The following ATG7 variants were observed in gnomAD, a reference collection of about 807,000 sequenced individuals.
ATG7 encodes autophagy related 7.
In ATG7, 70 loss-of-function variants were observed where a neutral mutation model predicts 82.4. The observed-to-expected ratio is 0.85, with a 90% CI of 0.70 to 1.04. The LOEUF is 1.04. ATG7 is among the 50% of genes least tolerant of loss of function. The pLI is 0.00. For missense variants in ATG7, 792 were observed against 864.3 expected, an observed-to-expected ratio of 0.92 and a Z score of 1.05; for synonymous variants, 287 against 313.0, an observed-to-expected ratio of 0.92 and a Z score of 0.88.
At chr3:11,396,030 A>T (rs1440759588) in intron 19 of ATG7, among the ~76,000 whole-genome samples, 1 of 151,020 alleles carries the variant, frequency 6.6e-6, no homozygotes, top group Admixed American at 6.6e-5. Context: ...AACAGAGTCC[A>T]CCACTAGCAT....
chr3:11,398,802 G>C (rs1168757398), intron 19 of ATG7, among the ~76,000 whole-genome samples: 1 of 152,188 alleles, frequency 6.6e-6, no homozygotes, highest in Admixed American at 6.5e-5. Flanking sequence ...AGTGAGCTCT[G>C]ATCATGCCAC....
In ATG7 at chr3:11,410,991, CTT is replaced by C. The variant is rs527402728; in HGVS notation, c.1957-15810_1957-15809del. Among the ~76,000 whole-genome samples, 18 of 152,220 alleles carry C rather than the reference CTT, an allele frequency of 1.2e-4. No individual in the cohort carries two copies. The South Asian group carries it at 3.5e-3, about 30-fold the overall frequency. On this transcript the variant is annotated intron_variant, in intron 19 of 20. Transcript: ENST00000693202. ...TTGAATTGCTGGATCTAATAATTCT[CTT>C]TTAATTTTTTTAAGTAACTGCCATG...
At chr3:11,328,429 A>G (rs1199935819) in intron 9 of ATG7, among the ~76,000 whole-genome samples, 1 of 152,216 alleles carries the variant, frequency 6.6e-6, no homozygotes, top group African/African-American at 2.4e-5. Flanking sequence ...TCCTGAAAGG[A>G]TGACCATATC....
chr3:11,404,125 ATT>A (rs10591303), intron 19 of ATG7, among the ~76,000 whole-genome samples: 17,255 of 76,364 alleles, frequency 0.23, 1,231 homozygotes, highest in African/African-American at 0.35. Flanking sequence ...AACCAGCTCA[ATT>A]TTTTTTTTTT....
At chr3:11,445,265 C>T (rs1310855450) in intron 20 of ATG7, among the ~76,000 whole-genome samples, 2 of 152,200 alleles carry the variant, frequency 1.3e-5, no homozygotes, top group African/African-American at 4.8e-5. Context: ...ATGTTCACTG[C>T]AGCACTATTC....
chr3:11,363,089 T>C (rs906895450), intron 17 of ATG7, 161 bp downstream of exon 17: 1 of 607,512 alleles, frequency 1.6e-6, no homozygotes, highest in African/African-American at 1.9e-5. Flanking sequence ...TTCTTTGGGC[T>C]GAGATAACTT....
At chr3:11,428,411 A>G (rs1382688490) in intron 20 of ATG7, among the ~76,000 whole-genome samples, 1 of 152,182 alleles carries the variant, frequency 6.6e-6, no homozygotes, top group East Asian at 1.9e-4. Flanking sequence ...TTTCAGGTAC[A>G]CCAGGGAGGC....
intron 6 of ATG7, among the ~76,000 whole-genome samples, chr3:11,307,702 A>G (rs904471564): frequency 7.2e-5 from 11 of 152,098 alleles, no homozygotes; most frequent in African/African-American, 2.7e-4. Flanking sequence ...GCTTCTTTAC[A>G]TTGGAGTTAG....
chr3:11,529,067 A>AG (rs967684703), intron 20 of ATG7, among the ~76,000 whole-genome samples: 1 of 151,908 alleles, frequency 6.6e-6, no homozygotes, highest in Admixed American at 6.6e-5. Flanking sequence ...TGTGGAAAAA[A>AG]GGGGGCGGTA....
At position 11,274,386 on chromosome 3, in the gene ATG7, C is replaced by T. The variant is rs557502539; in HGVS notation, c.-366+1956C>T. Among the ~76,000 whole-genome samples, 23 of 152,038 alleles carry T rather than the reference C, an allele frequency of 1.5e-4. No individual in the cohort carries two copies. The South Asian group carries it at 3.5e-3, about 23-fold the overall frequency. On this transcript the variant is annotated intron_variant, in intron 1 of 20. Transcript: ENST00000693202. Reference sequence around the variant, plus strand: ...GTTTGGTAGAGGAGGACTTAGGGTACGCATAAGTCAGGCTGACTCATCAGA... The same window carrying T: ...GTTTGGTAGAGGAGGACTTAGGGTATGCATAAGTCAGGCTGACTCATCAGA...
intron 3 of ATG7, among the ~76,000 whole-genome samples, chr3:11,296,210 C>T (rs1373659441): frequency 6.6e-6 from 1 of 152,134 alleles, no homozygotes; most frequent in Admixed American, 6.5e-5. Flanking sequence ...GTATCCATGT[C>T]CAGTTTTCTT....
At chr3:11,315,852 A>G (rs1471531369) in intron 9 of ATG7, among the ~76,000 whole-genome samples, 1 of 152,118 alleles carries the variant, frequency 6.6e-6, no homozygotes, top group Admixed American at 6.5e-5. Flanking sequence ...CAGCCTCCCG[A>G]GTAGCTGGGA....
At chr3:11,565,054 T>C in the ATG7 span, 2 of 1,461,140 alleles carry the variant, frequency 1.4e-6, no homozygotes, top group Non-Finnish European at 1.8e-6. The surrounding 1 kb of genome is among the most constrained non-coding windows in gnomAD (Gnocchi z 4.1). Context: ...GGGGGCGTTT[T>C]CTCAAAGGCA....
In ATG7 at chr3:11,492,322, C is replaced by T. The variant is rs183417777; in HGVS notation, c.2080-62489C>T. ...GGCAATGCCTCGCCCTGCTTCGGCT[C>T]GCACACGGTGCTCTGCATACACTGT... On this transcript the variant is annotated intron_variant, in intron 20 of 20. Transcript: ENST00000693202. Among the ~76,000 whole-genome samples the T allele has an allele frequency of 5.3e-5, 8 of 152,344 alleles. No homozygotes were observed. In the East Asian group the frequency reaches 9.6e-4, roughly 18 times the overall value.
chr3:11,407,649 T>G (rs2080475805), intron 19 of ATG7, among the ~76,000 whole-genome samples: 1 of 152,210 alleles, frequency 6.6e-6, no homozygotes, highest in African/African-American at 2.4e-5. Context: ...AGGCATAGGT[T>G]CCCAAACCTC....
At chr3:11,459,032 A>G (rs1312542439) in intron 20 of ATG7, among the ~76,000 whole-genome samples, 1 of 152,090 alleles carries the variant, frequency 6.6e-6, no homozygotes, top group East Asian at 1.9e-4. Context: ...CCCCCCATCT[A>G]TGGAAAAATT....
intron 20 of ATG7, among the ~76,000 whole-genome samples, chr3:11,551,059 A>G (rs1331409484): frequency 2.0e-5 from 3 of 152,126 alleles, no homozygotes; most frequent in Non-Finnish European, 2.9e-5. Context: ...TAAAAAGTCT[A>G]TCTTTTCGTA....
chr3:11,339,521 T>C (rs563480714), intron 11 of ATG7, among the ~76,000 whole-genome samples: 16 of 151,978 alleles, frequency 1.1e-4, no homozygotes, highest in African/African-American at 3.9e-4. Context: ...GGGAATTCAA[T>C]GAGAAAGGGG....
At position 11,458,614 on chromosome 3, in the gene ATG7, C is replaced by T. The variant is rs180988979; in HGVS notation, c.2079+31688C>T. Among the ~76,000 whole-genome samples, 179 of 152,294 alleles carry T rather than the reference C, an allele frequency of 1.2e-3. 1 individual carries two copies. The highest frequency in any genetic ancestry group is 4.3e-3 in the African/African-American group (177 of 41,564). ...CTCAGCTATTAACACATTGTGTGAC[C>T]ATAGCTAGTTACTTCTCCATGCTGG... On this transcript the variant is annotated intron_variant, in intron 20 of 20. Transcript: ENST00000693202.
Sources: gnomAD v4.1 joint callset for allele counts (sites outside exome capture counted in the v4.1 genomes callset) on GRCh38, gnomAD v4.1.1 for gene constraint, Gnocchi (gnomAD v3.1) non-coding constraint, MANE v1.5 for transcripts, NCBI Gene and HGNC (gene_info 2026-07-23, HGNC 2026-07-21) for gene names.